CCDC148: variants seen among roughly 807,000 people sequenced by gnomAD.
CCDC148 encodes the protein coiled-coil domain-containing protein 148.
Under a neutral mutation model 85.7 loss-of-function variants are expected in CCDC148, and 89 were observed. That is an observed-to-expected ratio of 1.04 (90% CI 0.87 to 1.24). CCDC148 has a LOEUF of 1.24. Ranked by LOEUF, CCDC148 falls within the 50% of genes most tolerant of loss-of-function variation. The pLI, the probability that CCDC148 is intolerant of heterozygous loss-of-function variation, is 0.00. For missense variants in CCDC148, 692 were observed against 671.7 expected, an observed-to-expected ratio of 1.03 and a Z score of -0.33; for synonymous variants, 230 against 213.9, an observed-to-expected ratio of 1.08 and a Z score of -0.66.
chr2:158,275,408 T>C (rs1689887204), intron 9 of CCDC148, among the ~76,000 whole-genome samples: 1 of 152,232 alleles, frequency 6.6e-6, no homozygotes, highest in Admixed American at 6.5e-5. Flanking sequence ...TATAATAGGT[T>C]TCCATTCATA....
rs541049018 is a variant in CCDC148, at chr2:158,340,713, A to G, written c.252-33T>C. On this transcript the variant is annotated intron_variant, in intron 3 of 13. Coordinates refer to ENST00000283233, the MANE Select transcript of CCDC148 (RefSeq NM_138803.4). ...AGATGTGATCTCAATAAATGTTACAATCATAAACATACATCTAGGTTTTTA... is the reference window on the plus strand; with the variant it reads ...AGATGTGATCTCAATAAATGTTACAGTCATAAACATACATCTAGGTTTTTA... 1.1e-5 allele frequency: 13 copies of G among 1,230,058 alleles called. No individual in the cohort carries two copies. The South Asian group carries it at 1.5e-4, about 14-fold the overall frequency. 76.2% of individuals were successfully genotyped at this position (1,230,058 alleles called of 1,614,324 possible). A position where few individuals can be genotyped will look rare whatever the true frequency, so the allele number is the denominator to read the frequency against.
intron 9 of CCDC148, among the ~76,000 whole-genome samples, chr2:158,293,161 T>C (rs934761000): frequency 6.6e-6 from 1 of 152,086 alleles, no homozygotes; most frequent in Non-Finnish European, 1.5e-5. Context: ...CACAAACAAG[T>C]ATGTATATCA....
chr2:158,259,449 T>C (rs954465835), intron 9 of CCDC148, among the ~76,000 whole-genome samples: 5 of 151,932 alleles, frequency 3.3e-5, no homozygotes, highest in Non-Finnish European at 7.4e-5. Flanking sequence ...TAAATGAATA[T>C]GAAATGAGGT....
intron 2 of CCDC148, among the ~76,000 whole-genome samples, chr2:158,357,670 AT>A: frequency 6.6e-6 from 1 of 152,328 alleles, no homozygotes; most frequent in South Asian, 2.1e-4. Context: ...TTGAGGAGAT[AT>A]GTCCCATGAA....
rs113493545 is a variant in CCDC148, at chr2:158,265,820, G to A, written c.1111-14908C>T. The stretch of plus-strand genomic sequence containing the variant: ...CAAAACAGAATCACTGTCTTCCCCT[G>A]AGAATCTATATTCCATATCTAGATT... On this transcript the variant is annotated intron_variant, in intron 9 of 13. Coordinates refer to ENST00000283233, the MANE Select transcript of CCDC148 (RefSeq NM_138803.4). 4.1e-3 allele frequency among the ~76,000 whole-genome samples: 625 copies of A among 152,200 alleles called. 3 individuals are homozygous for A. The highest frequency in any genetic ancestry group is 6.0e-3 in the Non-Finnish European group (411 of 67,994).
chr2:158,323,461 C>T (rs1692614436), intron 7 of CCDC148, among the ~76,000 whole-genome samples: 1 of 152,132 alleles, frequency 6.6e-6, no homozygotes, highest in African/African-American at 2.4e-5. Flanking sequence ...CAACTTGAAA[C>T]TTAAAATTAC....
chr2:158,427,197 T>C (rs1438547755), intron 1 of CCDC148, among the ~76,000 whole-genome samples: 1 of 152,156 alleles, frequency 6.6e-6, no homozygotes, highest in Non-Finnish European at 1.5e-5. Flanking sequence ...ACAGATGAAA[T>C]GATAATGCAC....
At chr2:158,428,897 C>G (rs1002646597) in intron 1 of CCDC148, among the ~76,000 whole-genome samples, 2 of 152,016 alleles carry the variant, frequency 1.3e-5, no homozygotes, top group African/African-American at 2.4e-5. Flanking sequence ...AAATGTCCAT[C>G]AATGATAGAC....
chr2:158,249,944 T>A (rs1688720635), intron 10 of CCDC148, among the ~76,000 whole-genome samples: 1 of 152,068 alleles, frequency 6.6e-6, no homozygotes, highest in Admixed American at 6.6e-5. Context: ...TCAAAACAGG[T>A]GTATAGGTTA....
intron 9 of CCDC148, among the ~76,000 whole-genome samples, chr2:158,288,278 G>T (rs1690727426): frequency 6.6e-6 from 1 of 152,172 alleles, no homozygotes; most frequent in South Asian, 2.1e-4. Context: ...TTAGCTCCTT[G>T]TTACTCATGC....
chr2:158,314,036 T>C (rs750657729), intron 7 of CCDC148, 142 bp from the exon 8 acceptor site: 7 of 714,870 alleles, frequency 9.8e-6, no homozygotes, highest in Non-Finnish European at 1.5e-5. Flanking sequence ...CCAAATTTAA[T>C]GTCTGTTTCA....
intron 9 of CCDC148, among the ~76,000 whole-genome samples, chr2:158,254,689 A>G (rs1688938760): frequency 6.6e-6 from 1 of 151,624 alleles, no homozygotes; most frequent in African/African-American, 2.4e-5. Flanking sequence ...CACTGAGACT[A>G]TTTTTATAAA....
intron 9 of CCDC148, among the ~76,000 whole-genome samples, chr2:158,296,740 A>G (rs1691207241): frequency 6.6e-6 from 1 of 152,224 alleles, no homozygotes; most frequent in South Asian, 2.1e-4. Context: ...GCAGACAGAT[A>G]CACTTTAAAA....
At chr2:158,231,447 T>A (rs903041214) in intron 10 of CCDC148, among the ~76,000 whole-genome samples, 24 of 152,244 alleles carry the variant, frequency 1.6e-4, no homozygotes, top group African/African-American at 5.8e-4. Flanking sequence ...ACTTCTTTCA[T>A]GAGGTTCTGC....
chr2:158,181,515 A>C (rs1037339804), intron 11 of CCDC148, among the ~76,000 whole-genome samples: 3 of 152,088 alleles, frequency 2.0e-5, no homozygotes, highest in African/African-American at 7.2e-5. Context: ...TTGTGCTCTG[A>C]TGGGACAATG....
chr2:158,278,892 C>T (rs1206061736), intron 9 of CCDC148, among the ~76,000 whole-genome samples: 2 of 152,252 alleles, frequency 1.3e-5, no homozygotes, highest in African/African-American at 4.8e-5. Flanking sequence ...TAGGGGCAGA[C>T]TGACACCTCA....
chr2:158,295,277 C>A (rs1389343357), intron 9 of CCDC148, among the ~76,000 whole-genome samples: 1 of 151,980 alleles, frequency 6.6e-6, no homozygotes, highest in Non-Finnish European at 1.5e-5. Flanking sequence ...GGATTCACAG[C>A]CGAATTCTAC....
At chr2:158,391,421 A>C (rs1685303384) in intron 1 of CCDC148, among the ~76,000 whole-genome samples, 1 of 152,162 alleles carries the variant, frequency 6.6e-6, no homozygotes, top group South Asian at 2.1e-4. Context: ...ACACAGATGA[A>C]TTAAACATTT....
At chr2:158,339,129 C>A (rs765213416) in intron 5 of CCDC148, 44 bp from the exon 6 acceptor site, 102 of 1,270,212 alleles carry the variant, frequency 8.0e-5, no homozygotes, top group Non-Finnish European at 1.1e-4. Flanking sequence ...TATTGCAATT[C>A]ATTCCATATT....
Sources: gnomAD v4.1 joint callset for allele counts (sites outside exome capture counted in the v4.1 genomes callset) on GRCh38, gnomAD v4.1.1 for gene constraint, MANE v1.5 for transcripts, NCBI Gene and HGNC (gene_info 2026-07-23, HGNC 2026-07-21) for gene names.